Variants in NRDC observed in about 807,000 individuals in gnomAD.
NRDC encodes nardilysin.
Under a neutral mutation model 147.1 loss-of-function variants are expected in NRDC, and 54 were observed. That is an observed-to-expected ratio of 0.37 (90% confidence interval 0.29 to 0.46). NRDC has a LOEUF of 0.46. Among genes scored for constraint, NRDC ranks in the 20% least tolerant of loss-of-function variants. NRDC has a pLI of 1.00. For synonymous variants in NRDC, 440 were observed against 482.1 expected (o/e 0.91, Z 1.14); for missense variants, 1,082 against 1,370.6 (o/e 0.79, Z 3.33).
chr1:51,878,153 C>G, intron 1 of NRDC, 122 bp downstream of exon 1: 1 of 1,421,602 alleles, frequency 7.0e-7, no homozygotes, highest in Non-Finnish European at 9.4e-7. Flanking sequence ...CCCAAGGAAG[C>G]ATTTGGGGTG....
rs1462317223 is a variant in NRDC at position 51,878,713 on chromosome 1, G to T, written c.-98C>A. ...GGCCGGCCCTGGTGCTGCCGCAGCC[G>T]CGGGGAACAGGCCTGAACCCCTCCC... On this transcript the variant is annotated 5_prime_UTR_variant, in exon 1 of 31. Coordinates refer to ENST00000352171, the MANE Select transcript of NRDC (RefSeq NM_001101662.2). 2.7e-6 allele frequency: 3 copies of T among 1,092,588 alleles called. No individual in the cohort carries two copies. The highest frequency in any genetic ancestry group is 4.0e-6 in the Non-Finnish European group (3 of 756,840). 67.7% of individuals were successfully genotyped at this position (1,092,588 alleles called of 1,614,324 possible).
At chr1:51,792,161 C>T in intron 25 of NRDC, 63 bp from the exon 26 acceptor site, 1 of 1,586,378 alleles carries the variant, frequency 6.3e-7, no homozygotes, top group Non-Finnish European at 8.6e-7. Flanking sequence ...CCATTTCTCT[C>T]CCCAGAGTGT....
chr1:51,798,475 A>G lies in NRDC; in HGVS notation c.2442-64T>C, dbSNP rs1159604064. 6 of 1,386,712 alleles carry G rather than the reference A, an allele frequency of 4.3e-6. No homozygotes were observed. In the East Asian group the frequency reaches 1.4e-4, roughly 33 times the overall value. 85.9% of individuals were successfully genotyped at this position (1,386,712 alleles called of 1,614,324 possible). A position where few individuals can be genotyped will look rare whatever the true frequency, so the allele number is the denominator to read the frequency against. ...TATTAGAAATGAATCTTCAGAATAA[A>G]GAAATGTTTGGTCAAAGTTCTATAA... On this transcript the variant is annotated intron_variant, in intron 21 of 30. Transcript: ENST00000352171.
At position 51,810,266 on chromosome 1, in the gene NRDC, G is replaced by A. The variant is rs187063397; in HGVS notation, c.1903+15C>T. On this transcript the variant is annotated intron_variant, in intron 16 of 30. Coordinates refer to ENST00000352171, the MANE Select transcript of NRDC (RefSeq NM_001101662.2). ...AAATATACCTAAATGTAAGACAATT[G>A]TTAAAATATTTTACCTTCTATACTA... 2.3e-4 allele frequency: 363 copies of A among 1,567,824 alleles called. 1 individual carries two copies. Among genetic ancestry groups the A allele is most frequent in the Non-Finnish European group, 3.0e-4 (345 of 1,151,194 alleles).
chr1:51,834,972 A>G (rs1680880970), intron 3 of NRDC, among the ~76,000 whole-genome samples: 1 of 152,202 alleles, frequency 6.6e-6, no homozygotes, highest in Non-Finnish European at 1.5e-5. Flanking sequence ...TTAGAAAACC[A>G]GACCATTAAA....
intron 1 of NRDC, among the ~76,000 whole-genome samples, chr1:51,864,048 T>C (rs1682682408): frequency 6.6e-6 from 1 of 152,130 alleles, no homozygotes; most frequent in Non-Finnish European, 1.5e-5. Flanking sequence ...GTGTTGAATA[T>C]CTCATGTAAT....
At chr1:51,833,430 C>A in intron 4 of NRDC, among the ~76,000 whole-genome samples, 1 of 145,104 alleles carries the variant, frequency 6.9e-6, no homozygotes, top group African/African-American at 2.6e-5. Flanking sequence ...CATGGCAAGA[C>A]CATATCTCTT....
chr1:51,848,484 A>AAATAATAATAAT (rs764980061), intron 1 of NRDC, among the ~76,000 whole-genome samples: 55 of 152,042 alleles, frequency 3.6e-4, no homozygotes, highest in African/African-American at 1.2e-3. Context: ...CCGTCTCAAA[A>AAATAATAATAAT]AATAATAATA....
intron 1 of NRDC, chr1:51,862,263 A>G (rs1463557574): frequency 3.3e-5 from 5 of 152,240 alleles, no homozygotes; most frequent in African/African-American, 1.2e-4. Flanking sequence ...CCCGCCAATA[A>G]AAGACATCCA....
At chr1:51,844,509 G>A (rs763094094) in intron 1 of NRDC, among the ~76,000 whole-genome samples, 1 of 151,846 alleles carries the variant, frequency 6.6e-6, no homozygotes, top group African/African-American at 2.4e-5. Context: ...GAATAGGGCC[G>A]AAGAGGACGG....
intron 18 of NRDC, 81 bp downstream of exon 18, chr1:51,806,713 G>A (rs913203792): frequency 7.1e-7 from 1 of 1,413,054 alleles, no homozygotes; most frequent in African/African-American, 1.4e-5. Context: ...AAAATAGCAA[G>A]TAGATAATCA....
chr1:51,878,688 G>C lies in NRDC; in HGVS notation c.-73C>G. The C allele has an allele frequency of 5.1e-6, 7 of 1,366,412 alleles. No homozygotes were observed. Among genetic ancestry groups the C allele is most frequent in the Non-Finnish European group, 7.0e-6 (7 of 995,196 alleles). The allele number at this position is 1,366,412 out of a possible 1,614,324, so 84.6% of individuals were successfully genotyped here. On this transcript the variant is annotated 5_prime_UTR_variant, in exon 1 of 31. Transcript: ENST00000352171. Reference sequence around the variant, plus strand: ...TCCTCCGCGTTCTAGAGGCGGTGGCGGCCGGCCCTGGTGCTGCCGCAGCCG... The same window carrying C: ...TCCTCCGCGTTCTAGAGGCGGTGGCCGCCGGCCCTGGTGCTGCCGCAGCCG...
At chr1:51,829,631 C>A (rs920880235) in intron 4 of NRDC, among the ~76,000 whole-genome samples, 1 of 151,986 alleles carries the variant, frequency 6.6e-6, no homozygotes, top group Non-Finnish European at 1.5e-5. Context: ...CTTCAATTTT[C>A]TCTCTCCTCC....
At chr1:51,822,063 T>C (rs1055404340) in intron 7 of NRDC, among the ~76,000 whole-genome samples, 1 of 151,976 alleles carries the variant, frequency 6.6e-6, no homozygotes. Flanking sequence ...ATATCATACA[T>C]ATATATGATT....
chr1:51,814,400 A>G (rs953915914), intron 13 of NRDC, 151 bp downstream of exon 13: 46 of 679,008 alleles, frequency 6.8e-5, no homozygotes, highest in Non-Finnish European at 1.0e-4. Flanking sequence ...AATCACATGT[A>G]GAGGGATAAG....
intron 1 of NRDC, among the ~76,000 whole-genome samples, chr1:51,863,013 G>GA (rs562410956): frequency 0.29 from 9,215 of 32,056 alleles, 2,141 homozygotes; most frequent in African/African-American, 0.33. Flanking sequence ...CTGTGTGGAG[G>GA]AAAAAAAAAA....
chr1:51,825,381 T>C lies in NRDC; in HGVS notation c.942A>G (p.Glu314=). 3 of 1,585,326 alleles carry C rather than the reference T, an allele frequency of 1.9e-6. No individual in the cohort carries two copies. The highest frequency in any genetic ancestry group is 2.6e-6 in the Non-Finnish European group (3 of 1,171,836). ...CATCAGAAGGCCTTGCAAGTTGATA[T>C]TCTGTCAATTTTAAATAAACACATA... ...IDREVEAVDS[E]YQLARPSDAN... The change falls in exon 6 of 31, where the codon GAA becomes GAG. Residue 314 remains glutamate (E), a splice_region_variant and synonymous_variant. Transcript: ENST00000352171.
intron 1 of NRDC, among the ~76,000 whole-genome samples, chr1:51,872,178 C>T (rs1045853300): frequency 8.5e-5 from 13 of 152,120 alleles, no homozygotes; most frequent in Non-Finnish European, 5.9e-5. Flanking sequence ...GTCAGAAAAA[C>T]AGAGAGTTTT....
intron 14 of NRDC, 123 bp from the exon 15 acceptor site, chr1:51,812,221 A>T: frequency 1.6e-6 from 1 of 638,450 alleles, no homozygotes; most frequent in East Asian, 2.8e-5. Flanking sequence ...GAACAGATAC[A>T]ACGAGATATA....
Sources: gnomAD v4.1 joint callset for allele counts (sites outside exome capture counted in the v4.1 genomes callset) on GRCh38, gnomAD v4.1.1 for gene constraint, MANE v1.5 for transcripts, NCBI Gene and HGNC (gene_info 2026-07-23, HGNC 2026-07-21) for gene names.